SUGCT: variants seen among roughly 807,000 people sequenced by gnomAD.
The protein encoded by SUGCT is succinyl-CoA:glutarate-CoA transferase.
In SUGCT, 41 loss-of-function variants were observed where a neutral mutation model predicts 55.0. The ratio of observed to expected loss-of-function variants is 0.74; its 90% CI spans 0.58 to 0.97. The LOEUF is 0.97. Among genes scored for constraint, SUGCT ranks in the 50% least tolerant of loss-of-function variants. The probability of loss-of-function intolerance (pLI) is 0.00; values close to 1 mark genes in which losing one functional copy is unlikely to be tolerated. For missense variants in SUGCT, 568 were observed against 547.8 expected (o/e 1.04, Z -0.37); for synonymous variants, 187 against 200.4 (o/e 0.93, Z 0.56).
the SUGCT span, among the ~76,000 whole-genome samples, chr7:40,953,359 T>G: frequency 6.6e-6 from 1 of 152,180 alleles, no homozygotes; most frequent in Non-Finnish European, 1.5e-5. Context: ...TTGTCTCATC[T>G]TTTTTCAAGG....
intron 1 of SUGCT, among the ~76,000 whole-genome samples, chr7:40,168,445 A>AAAG (rs1397540848): frequency 3.3e-5 from 5 of 152,208 alleles, no homozygotes; most frequent in African/African-American, 9.6e-5. Context: ...TATTTGAAGA[A>AAAG]CAATTTGTAG....
chr7:40,260,959 C>G (rs1248335769), intron 7 of SUGCT, among the ~76,000 whole-genome samples: 1 of 152,114 alleles, frequency 6.6e-6, no homozygotes, highest in Non-Finnish European at 1.5e-5. Flanking sequence ...TTTATTAAAG[C>G]AAGGAACCCC....
At chr7:40,557,264 A>G (rs1390186366) in intron 12 of SUGCT, among the ~76,000 whole-genome samples, 2 of 152,206 alleles carry the variant, frequency 1.3e-5, no homozygotes, top group Non-Finnish European at 2.9e-5. Context: ...TTTTCCCAAA[A>G]GTGCCAAGAA....
intron 9 of SUGCT, among the ~76,000 whole-genome samples, chr7:40,330,590 CA>C (rs1468800215): frequency 2.6e-5 from 4 of 151,904 alleles, no homozygotes; most frequent in African/African-American, 4.8e-5. Flanking sequence ...TCCTCTGTTT[CA>C]GTTAACAAGG....
intron 12 of SUGCT, among the ~76,000 whole-genome samples, chr7:40,676,505 T>G (rs1463556204): frequency 5.3e-5 from 4 of 76,008 alleles, no homozygotes; most frequent in Non-Finnish European, 8.6e-5. Flanking sequence ...TTGTTTTTTG[T>G]TTTTTTTTTT....
chr7:40,407,440 T>C (rs958546577), intron 9 of SUGCT, among the ~76,000 whole-genome samples: 1 of 151,832 alleles, frequency 6.6e-6, no homozygotes, highest in African/African-American at 2.4e-5. Flanking sequence ...TTGATGAAAA[T>C]ATAAAATATT....
chr7:40,225,551 C>T (rs919427697), intron 6 of SUGCT, among the ~76,000 whole-genome samples: 1 of 151,784 alleles, frequency 6.6e-6, no homozygotes, highest in African/African-American at 2.4e-5. Flanking sequence ...ATTCTCCTGC[C>T]TCACCCTCCA....
At chr7:40,705,150 G>A (rs774414103) in intron 12 of SUGCT, among the ~76,000 whole-genome samples, 51 of 151,598 alleles carry the variant, frequency 3.4e-4, no homozygotes, top group Non-Finnish European at 5.4e-4. Flanking sequence ...TTTCTTTTAT[G>A]CTTTTATTTA....
At chr7:40,768,122 G>A (rs527604282) in intron 13 of SUGCT, among the ~76,000 whole-genome samples, 3 of 152,212 alleles carry the variant, frequency 2.0e-5, no homozygotes, top group African/African-American at 7.2e-5. Flanking sequence ...GAATTAAAGG[G>A]CAGAAAACCA....
At chr7:40,430,207 G>A (rs111553137) in intron 9 of SUGCT, among the ~76,000 whole-genome samples, 127 of 152,254 alleles carry the variant, frequency 8.3e-4, no homozygotes, top group African/African-American at 2.9e-3. Flanking sequence ...TGGGTCATAT[G>A]CTAGTTCTAT....
chr7:40,268,472 T>C (rs942784147), intron 7 of SUGCT, among the ~76,000 whole-genome samples: 3 of 152,366 alleles, frequency 2.0e-5, no homozygotes, highest in Non-Finnish European at 2.9e-5. Context: ...ATTGTATTAG[T>C]AGAATAGTTT....
At chr7:40,808,780 A>G (rs989459902) in intron 13 of SUGCT, among the ~76,000 whole-genome samples, 12 of 152,222 alleles carry the variant, frequency 7.9e-5, no homozygotes, top group African/African-American at 2.7e-4. Context: ...AGATTTTATG[A>G]GAAACAGAAT....
intron 2 of SUGCT, 32 bp downstream of exon 2, chr7:40,181,030 TG>T (rs1319688844): frequency 5.3e-6 from 8 of 1,523,290 alleles, no homozygotes; most frequent in Non-Finnish European, 6.4e-6. Context: ...TTTTGGTGAT[TG>T]GGTTTTTCCC....
chr7:40,223,598 T>A (rs1454743557), intron 6 of SUGCT, among the ~76,000 whole-genome samples: 1 of 152,210 alleles, frequency 6.6e-6, no homozygotes, highest in Non-Finnish European at 1.5e-5. Context: ...TTTTCTGCTC[T>A]GGGATTTGGA....
intron 13 of SUGCT, among the ~76,000 whole-genome samples, chr7:40,850,669 T>C (rs1276745213): frequency 2.0e-5 from 3 of 152,114 alleles, no homozygotes; most frequent in African/African-American, 7.2e-5. Flanking sequence ...GCAAAATAAA[T>C]ATTTGAAAAG....
At chr7:40,773,535 G>A (rs1007669090) in intron 13 of SUGCT, among the ~76,000 whole-genome samples, 5 of 152,166 alleles carry the variant, frequency 3.3e-5, no homozygotes, top group Admixed American at 6.5e-5. Context: ...AACAACATCA[G>A]CATAGTGATG....
At chr7:40,724,200 C>T (rs1204595436) in intron 12 of SUGCT, among the ~76,000 whole-genome samples, 1 of 152,156 alleles carries the variant, frequency 6.6e-6, no homozygotes, top group African/African-American at 2.4e-5. Context: ...AGAGGAATTT[C>T]TTCACATGGG....
intron 12 of SUGCT, among the ~76,000 whole-genome samples, chr7:40,578,336 A>T: frequency 6.6e-6 from 1 of 152,184 alleles, no homozygotes; most frequent in East Asian, 1.9e-4. Context: ...ACTCCTGAGT[A>T]CTTTTCGAAA....
chr7:40,932,371 A>G, the SUGCT span, among the ~76,000 whole-genome samples: 6 of 152,258 alleles, frequency 3.9e-5, no homozygotes, highest in Admixed American at 3.3e-4. Flanking sequence ...GAATAAGTGC[A>G]GTGCGGTGCT....
Sources: gnomAD v4.1 joint callset for allele counts (sites outside exome capture counted in the v4.1 genomes callset) on GRCh38, gnomAD v4.1.1 for gene constraint, MANE v1.5 for transcripts, NCBI Gene and HGNC (gene_info 2026-07-23, HGNC 2026-07-21) for gene names.